PCDHA4: variants seen among roughly 807,000 people sequenced by gnomAD.
The protein encoded by PCDHA4 is protocadherin alpha-4.
In PCDHA4, 49 loss-of-function variants were observed where a neutral mutation model predicts 61.4. The ratio of observed to expected loss-of-function variants is 0.80; its 90% CI spans 0.63 to 1.01. The LOEUF (loss-of-function observed/expected upper bound fraction) is 1.01. PCDHA4 is among the 50% of genes least tolerant of loss of function. The pLI, the probability that PCDHA4 is intolerant of heterozygous loss-of-function variation, is 0.00. For missense variants in PCDHA4, 1,254 were observed against 1,235.8 expected (o/e 1.01, Z -0.22); for synonymous variants, 590 against 550.3 (o/e 1.07, Z -1.01).
chr5:140,939,215 G>C (rs1251785254), intron 1 of PCDHA4, among the ~76,000 whole-genome samples: 1 of 152,154 alleles, frequency 6.6e-6, no homozygotes, highest in African/African-American at 2.4e-5. Context: ...CCTTCTTGCT[G>C]TCTCTTCACC....
chr5:140,918,445 A>G (rs2078702084), intron 1 of PCDHA4, among the ~76,000 whole-genome samples: 1 of 152,144 alleles, frequency 6.6e-6, no homozygotes, highest in African/African-American at 2.4e-5. Context: ...GAGTGGTGAC[A>G]GTGGGCATCC....
chr5:140,861,903 A>G (rs115177043), intron 1 of PCDHA4: 3,607 of 155,014 alleles, frequency 0.023, 51 homozygotes, highest in Middle Eastern at 0.034. Flanking sequence ...AAAGCATTAT[A>G]TATCACAGCG....
At chr5:140,969,592 A>G (rs547411191) in intron 1 of PCDHA4, 72 of 829,536 alleles carry the variant, frequency 8.7e-5, no homozygotes, top group Middle Eastern at 3.7e-4. Context: ...TAGTCTTAAT[A>G]TTTAATGCTA....
chr5:140,982,354 A>G, intron 2 of PCDHA4, 121 bp from the exon 3 acceptor site: 2 of 1,512,522 alleles, frequency 1.3e-6, no homozygotes, highest in East Asian at 2.4e-5. Flanking sequence ...CAGTTCAAGC[A>G]TGAGCAGAAT....
At chr5:140,827,834 A>T in intron 1 of PCDHA4, 2 of 435,400 alleles carry the variant, frequency 4.6e-6, no homozygotes, top group Non-Finnish European at 4.0e-6. Context: ...AAGTAGAGAA[A>T]AGAAGATACT....
chr5:140,867,042 G>T lies in PCDHA4; in HGVS notation c.2385+57470G>T, dbSNP rs782113838. Reference sequence around the variant, plus strand: ...ATATCAAACTCTTTTATGACTTGGCGTTTGTTCAGTACTACTTTATATATT... The same window carrying T: ...ATATCAAACTCTTTTATGACTTGGCTTTTGTTCAGTACTACTTTATATATT... On this transcript the variant is annotated intron_variant, in intron 1 of 3. Transcript: ENST00000530339. The T allele has an allele frequency of 4.6e-5, 7 of 152,202 alleles. 1 individual carries two copies. Among genetic ancestry groups the T allele is most frequent in the African/African-American group, 1.7e-4 (7 of 41,564 alleles). 9.4% of individuals were successfully genotyped at this position (152,202 alleles called of 1,614,324 possible). A position where few individuals can be genotyped will look rare whatever the true frequency, so the allele number is the denominator to read the frequency against.
chr5:140,921,511 C>T (rs1163280621), intron 1 of PCDHA4, among the ~76,000 whole-genome samples: 1 of 152,062 alleles, frequency 6.6e-6, no homozygotes, highest in Non-Finnish European at 1.5e-5. Context: ...TAGTGCCTAA[C>T]CTGAAATAAA....
At chr5:140,837,001 C>A in intron 1 of PCDHA4, 1 of 327,960 alleles carries the variant, frequency 3.0e-6, no homozygotes, top group Non-Finnish European at 5.5e-6. Flanking sequence ...CTAACTGGAG[C>A]AATGGATTCA....
At chr5:140,993,521 G>C (rs1554253818) in intron 3 of PCDHA4, among the ~76,000 whole-genome samples, 4 of 151,128 alleles carry the variant, frequency 2.6e-5, no homozygotes, top group Admixed American at 2.0e-4. Flanking sequence ...GGGAGAGAGA[G>C]ACAGAGAGAG....
chr5:140,870,905 G>T (rs2052526417), intron 1 of PCDHA4: 1 of 1,613,958 alleles, frequency 6.2e-7, no homozygotes, highest in Non-Finnish European at 8.5e-7. Context: ...GCGGACTCAG[G>T]CTACAACGCG....
At chr5:140,990,395 G>A (rs916362624) in intron 3 of PCDHA4, among the ~76,000 whole-genome samples, 1 of 152,116 alleles carries the variant, frequency 6.6e-6, no homozygotes, top group Non-Finnish European at 1.5e-5. Flanking sequence ...GTTCCAAGAA[G>A]GTTCACCAGC....
At chr5:140,825,101 T>A (rs2150138221) in intron 1 of PCDHA4, 2 of 151,960 alleles carry the variant, frequency 1.3e-5, no homozygotes, top group African/African-American at 4.8e-5. Context: ...ATTTTTTTCA[T>A]ATACAAATAA....
intron 1 of PCDHA4, among the ~76,000 whole-genome samples, chr5:140,957,220 G>A (rs1356437193): frequency 2.6e-5 from 4 of 152,192 alleles, no homozygotes; most frequent in Non-Finnish European, 5.9e-5. Flanking sequence ...CAAAAATTTG[G>A]CGAAGCATTT....
At chr5:140,884,634 G>A in intron 1 of PCDHA4, 1 of 1,612,414 alleles carries the variant, frequency 6.2e-7, no homozygotes, top group Non-Finnish European at 8.5e-7. Context: ...ACAGGCCAGA[G>A]GGAGGAGGAC....
chr5:140,843,800 C>T (rs2150366866), intron 1 of PCDHA4: 5 of 1,342,480 alleles, frequency 3.7e-6, no homozygotes, highest in East Asian at 2.3e-5. Context: ...TAGTTTTTCA[C>T]CGTATTTTAT....
rs1291413682 is a variant in PCDHA4, at chr5:140,856,005, C to G, written c.2385+46433C>G. ...GAAAATGTCAGATCGTATGTGCGTT[C>G]TAGACCGCTGATTCGTCGATTTGTA... is the stretch of plus-strand genomic sequence containing the variant. On this transcript the variant is annotated intron_variant, in intron 1 of 3. Coordinates refer to ENST00000530339, the MANE Select transcript of PCDHA4 (RefSeq NM_018907.4). 6.5e-6 allele frequency: 10 copies of G among 1,538,764 alleles called. 3 individuals carry two copies. In the African/African-American group the frequency reaches 1.4e-4, roughly 21 times the overall value.
intron 3 of PCDHA4, among the ~76,000 whole-genome samples, chr5:140,999,095 G>C (rs1554256620): frequency 6.6e-6 from 1 of 152,202 alleles, no homozygotes; most frequent in African/African-American, 2.4e-5. Flanking sequence ...GAGGGCTATG[G>C]AGAGTAACCT....
intron 1 of PCDHA4, chr5:140,928,603 C>A: frequency 1.2e-6 from 2 of 1,614,208 alleles, no homozygotes; most frequent in South Asian, 2.2e-5. Flanking sequence ...GGAAATTGTG[C>A]CCCGCTCTGC....
At chr5:141,006,305 G>A (rs548520638) in intron 3 of PCDHA4, among the ~76,000 whole-genome samples, 25 of 151,934 alleles carry the variant, frequency 1.6e-4, no homozygotes, top group Admixed American at 5.2e-4. Context: ...TCCACTTCCC[G>A]GGTTCATGCC....
Sources: allele counts gnomAD v4.1 joint callset (sites outside exome capture counted in the v4.1 genomes callset), GRCh38; gene constraint gnomAD v4.1.1; transcripts MANE v1.5; gene names NCBI Gene and HGNC (gene_info 2026-07-23, HGNC 2026-07-21).